Variants in POLR3G observed in about 807,000 individuals in gnomAD.
The protein encoded by POLR3G is DNA-directed RNA polymerase III subunit RPC7.
A neutral mutation model predicts 30.1 loss-of-function variants in POLR3G; 28 were observed. That is an observed-to-expected ratio of 0.93 (90% CI 0.69 to 1.27). The LOEUF (loss-of-function observed/expected upper bound fraction) is 1.27. Ranked by LOEUF, POLR3G falls within the 50% of genes most tolerant of loss-of-function variation. The pLI is 0.00. For synonymous variants in POLR3G, 79 were observed against 82.5 expected (o/e 0.96, Z 0.23); for missense variants, 254 against 264.6 (o/e 0.96, Z 0.28).
At chr5:90,505,908 A>G (rs1752459834) in intron 6 of POLR3G, among the ~76,000 whole-genome samples, 1 of 152,196 alleles carries the variant, frequency 6.6e-6, no homozygotes, top group African/African-American at 2.4e-5. Context: ...AAAGTTCTCC[A>G]TAAACTAAGT....
intron 1 of POLR3G, among the ~76,000 whole-genome samples, chr5:90,477,714 A>G (rs1427315327): frequency 1.3e-5 from 2 of 151,532 alleles, no homozygotes; most frequent in Admixed American, 6.6e-5. Context: ...GAGGGTGTCC[A>G]GGTTCTTGGC....
At chr5:90,499,679 T>C (rs1183845665) in intron 5 of POLR3G, among the ~76,000 whole-genome samples, 1 of 152,054 alleles carries the variant, frequency 6.6e-6, no homozygotes, top group East Asian at 1.9e-4. Context: ...GAGAAGGAAT[T>C]CCTATTCCCC....
chr5:90,504,405 A>G (rs2151913507), intron 6 of POLR3G, among the ~76,000 whole-genome samples: 2 of 151,776 alleles, frequency 1.3e-5, no homozygotes, highest in Admixed American at 6.6e-5. Context: ...CTAAAAATTC[A>G]AAAAAAATTA....
chr5:90,501,809 G>A, intron 5 of POLR3G, 97 bp from the exon 6 acceptor site: 1 of 1,355,068 alleles, frequency 7.4e-7, no homozygotes, highest in Non-Finnish European at 1.0e-6. Context: ...TGCCTAGGAT[G>A]CAGTAGCACG....
intron 1 of POLR3G, among the ~76,000 whole-genome samples, chr5:90,484,893 A>C (rs1751356628): frequency 6.6e-6 from 1 of 152,238 alleles, no homozygotes; most frequent in Non-Finnish European, 1.5e-5. Context: ...TTCTCATAGT[A>C]TAATCAGAGG....
rs575568189 is a variant in POLR3G at position 90,500,626 on chromosome 5, A to G, written c.356-1280A>G. ...AGGGGGTCAGAGAAAGTTACCCATC[A>G]TTAAATCTAACTATTACTTTTGTTT... On this transcript the variant is annotated intron_variant, in intron 5 of 7. Coordinates refer to ENST00000651687, the MANE Select transcript of POLR3G (RefSeq NM_006467.3). 2.2e-4 allele frequency among the ~76,000 whole-genome samples: 33 copies of G among 152,278 alleles called. No individual in the cohort carries two copies. In the South Asian group the frequency reaches 3.9e-3, roughly 18 times the overall value.
chr5:90,479,330 G>A (rs937982974), intron 1 of POLR3G, among the ~76,000 whole-genome samples: 3 of 152,012 alleles, frequency 2.0e-5, no homozygotes, highest in African/African-American at 4.8e-5. Context: ...AAAATTAGCC[G>A]GGCTTGGTGG....
At chr5:90,502,905 G>T (rs1752321390) in intron 6 of POLR3G, among the ~76,000 whole-genome samples, 1 of 145,794 alleles carries the variant, frequency 6.9e-6, no homozygotes, top group African/African-American at 2.6e-5. Context: ...CTAGTGTTTT[G>T]CTGTTATTAA....
intron 1 of POLR3G, among the ~76,000 whole-genome samples, chr5:90,476,621 C>T (rs1750837287): frequency 6.6e-6 from 1 of 152,174 alleles, no homozygotes; most frequent in Admixed American, 6.5e-5. Context: ...GCCATGAGCT[C>T]AGCAATAATT....
intron 3 of POLR3G, among the ~76,000 whole-genome samples, chr5:90,491,178 T>A: frequency 6.6e-6 from 1 of 152,236 alleles, no homozygotes; most frequent in East Asian, 1.9e-4. Context: ...TTGTTTTTAA[T>A]GTTTTCAGGT....
rs1750958076 is a variant in POLR3G, at chr5:90,478,569, C to CTTTTTTTTTTCTT, written c.-44+3559_-44+3560insCTTTTTTTTTTTT. Among the ~76,000 whole-genome samples the CTTTTTTTTTTCTT allele has an allele frequency of 2.5e-5, 2 of 79,334 alleles. 1 individual carries two copies. Among genetic ancestry groups the CTTTTTTTTTTCTT allele is most frequent in the Non-Finnish European group, 4.7e-5 (2 of 43,004 alleles). The allele number at this position is 79,334 out of a possible 152,430, so 52.0% of individuals were successfully genotyped here. A position where few individuals can be genotyped will look rare whatever the true frequency, so the allele number is the denominator to read the frequency against. ...AATGGGAGGTTTAATCTGCGTGGTT[C>CTTTTTTTTTTCTT]TTTTTTTTTTTTTTTTTGAGAGGGA... On this transcript the variant is annotated intron_variant, in intron 1 of 7. Coordinates refer to ENST00000651687, the MANE Select transcript of POLR3G (RefSeq NM_006467.3).
At chr5:90,483,265 A>G (rs988890214) in intron 1 of POLR3G, among the ~76,000 whole-genome samples, 1 of 152,072 alleles carries the variant, frequency 6.6e-6, no homozygotes, top group Non-Finnish European at 1.5e-5. Flanking sequence ...CTGTATTGCA[A>G]TTCCCCTGTC....
chr5:90,491,492 TA>T (rs567136899), intron 3 of POLR3G, among the ~76,000 whole-genome samples: 161 of 152,126 alleles, frequency 1.1e-3, no homozygotes, highest in Non-Finnish European at 1.7e-3. Flanking sequence ...ATTCTTGATA[TA>T]CCATCAGTGT....
intron 1 of POLR3G, among the ~76,000 whole-genome samples, chr5:90,481,899 T>C (rs568772343): frequency 3.0e-4 from 45 of 152,282 alleles, no homozygotes; most frequent in African/African-American, 9.6e-4. Context: ...ACTGAAGAGT[T>C]TAAAATAATC....
At chr5:90,507,867 C>G (rs1054415806) in intron 7 of POLR3G, among the ~76,000 whole-genome samples, 1 of 152,020 alleles carries the variant, frequency 6.6e-6, no homozygotes, top group Admixed American at 6.6e-5. Flanking sequence ...ACTGTCAGTA[C>G]TTCTGATCAT....
In POLR3G at chr5:90,513,123, T is replaced by G. The variant is rs1561262170; in HGVS notation, c.*984T>G. 6.6e-6 allele frequency: 1 copy of G among 152,392 alleles called. No homozygotes were observed. The highest frequency in any genetic ancestry group is 1.5e-5 in the Non-Finnish European group (1 of 67,968). 9.4% of individuals were successfully genotyped at this position (152,392 alleles called of 1,614,324 possible). On this transcript the variant is annotated 3_prime_UTR_variant, in exon 8 of 8. Coordinates refer to ENST00000651687, the MANE Select transcript of POLR3G (RefSeq NM_006467.3). ...AGCTCCCCTAACTTTATATATTTTT[T>G]GGGAAAAAATACCTAAAAACCTCAG...
intron 6 of POLR3G, among the ~76,000 whole-genome samples, chr5:90,505,397 T>A (rs1752437452): frequency 6.6e-6 from 1 of 152,200 alleles, no homozygotes; most frequent in South Asian, 2.1e-4. Context: ...TACAATTTAG[T>A]GAACAGATAG....
intron 6 of POLR3G, 56 bp from the exon 7 acceptor site, chr5:90,506,472 G>C: frequency 6.4e-7 from 1 of 1,566,062 alleles, no homozygotes; most frequent in Non-Finnish European, 8.6e-7. Context: ...AGGCTAAGCA[G>C]GGAAGTCAGC....
At chr5:90,498,523 A>G (rs1042279703) in intron 5 of POLR3G, among the ~76,000 whole-genome samples, 1 of 152,068 alleles carries the variant, frequency 6.6e-6, no homozygotes, top group African/African-American at 2.4e-5. Flanking sequence ...AGAACATGCA[A>G]TATTTGGTTT....
Sources: gnomAD v4.1 joint callset for allele counts (sites outside exome capture counted in the v4.1 genomes callset) on GRCh38, gnomAD v4.1.1 for gene constraint, MANE v1.5 for transcripts, NCBI Gene and HGNC (gene_info 2026-07-23, HGNC 2026-07-21) for gene names.